MEI1: variants seen among roughly 807,000 people sequenced by gnomAD.
MEI1 encodes meiotic double-stranded break formation protein 1, also known as meiosis inhibitor protein 1.
In MEI1, 103 loss-of-function variants were observed where a neutral mutation model predicts 146.2. The ratio of observed to expected loss-of-function variants is 0.70; its 90% CI spans 0.60 to 0.83. MEI1 has a LOEUF of 0.83. Among genes scored for constraint, MEI1 ranks in the 40% least tolerant of loss-of-function variants. The pLI is 0.00. For missense variants in MEI1, 1,529 were observed against 1,533.0 expected (o/e 1.00, Z 0.04); for synonymous variants, 652 against 628.2 (o/e 1.04, Z -0.57).
At chr22:41,719,980 A>G (rs1452425296) in intron 6 of MEI1, among the ~76,000 whole-genome samples, 1 of 152,176 alleles carries the variant, frequency 6.6e-6, no homozygotes, top group Non-Finnish European at 1.5e-5. Context: ...CATAGTGAGC[A>G]TTCGTTCTAT....
At chr22:41,740,051 G>A (rs938800078) in intron 11 of MEI1, among the ~76,000 whole-genome samples, 4 of 151,770 alleles carry the variant, frequency 2.6e-5, no homozygotes, top group African/African-American at 4.8e-5. Flanking sequence ...GTGGAGTCTC[G>A]CTCTGTTGCT....
At chr22:41,791,598 T>A (rs1208846429) in intron 26 of MEI1, among the ~76,000 whole-genome samples, 1 of 152,184 alleles carries the variant, frequency 6.6e-6, no homozygotes, top group African/African-American at 2.4e-5. Context: ...AGATGACAGC[T>A]AGGCCATCCT....
Position 41,723,963 on chromosome 22 carries a change from A to G in MEI1, c.754A>G (p.Lys252Glu). Residue 252 changes from lysine (K) to glutamate (E), a missense_variant, in exon 7 of 31, where the codon AAG (lysine) becomes GAG (glutamate). Physicochemically the swap from Lys to Glu is moderately conservative, Grantham distance 56. This residue lies in a region of MEI1 where 1,212 missense variants were observed against 1,178.9 expected (regional missense o/e 1.03). Coordinates refer to ENST00000401548, the MANE Select transcript of MEI1 (RefSeq NM_152513.4). Reference sequence around the variant, plus strand: ...CCTAGGTTTGCTGAGGCAGCTGTTGAAGTATGATCTCTTTGTGTCCATGAT... The same window carrying G: ...CCTAGGTTTGCTGAGGCAGCTGTTGGAGTATGATCTCTTTGTGTCCATGAT... Reference protein sequence around the residue: ...NCLGLLRQLLKYDLFVSMIMN... With the variant: ...NCLGLLRQLLEYDLFVSMIMN... 1.2e-6 allele frequency: 2 copies of G among 1,606,838 alleles called. No homozygotes were observed. The highest frequency in any genetic ancestry group is 3.3e-4 in the Middle Eastern group (2 of 6,052).
chr22:41,713,877 G>A, intron 3 of MEI1, 125 bp from the exon 4 acceptor site: 1 of 739,670 alleles, frequency 1.4e-6, no homozygotes. Context: ...GGAAGAAATA[G>A]AAAAGTATAA....
intron 6 of MEI1, among the ~76,000 whole-genome samples, chr22:41,723,442 T>C (rs537543248): frequency 6.6e-6 from 1 of 152,330 alleles, no homozygotes; most frequent in East Asian, 1.9e-4. Context: ...CTTGAACTCC[T>C]GACCTCAAGT....
intron 3 of MEI1, chr22:41,709,308 C>T (rs1683769342): frequency 2.5e-6 from 2 of 804,256 alleles, no homozygotes; most frequent in South Asian, 1.3e-5. Flanking sequence ...TCCTTGCCAG[C>T]ATCCACTTTT....
At chr22:41,770,328 G>A (rs548995368) in intron 19 of MEI1, among the ~76,000 whole-genome samples, 1 of 151,890 alleles carries the variant, frequency 6.6e-6, no homozygotes, top group East Asian at 1.9e-4. Flanking sequence ...TCTTGACCTC[G>A]GCACTATTAA....
chr22:41,715,291 A>G (rs374635212), intron 4 of MEI1, among the ~76,000 whole-genome samples: 1 of 152,202 alleles, frequency 6.6e-6, no homozygotes. Context: ...AGTCAATAGA[A>G]AAGGTAAAAT....
chr22:41,782,617 C>T (rs2075805977), intron 24 of MEI1, among the ~76,000 whole-genome samples: 1 of 152,172 alleles, frequency 6.6e-6, no homozygotes, highest in Non-Finnish European at 1.5e-5. Context: ...GTGATGGGCA[C>T]ACAGAAGTGA....
At chr22:41,722,467 ATTTTTTTTTTT>A (rs749033326) in intron 6 of MEI1, among the ~76,000 whole-genome samples, 1 of 127,646 alleles carries the variant, frequency 7.8e-6, no homozygotes, top group Non-Finnish European at 1.6e-5. Context: ...CAGCATTTTA[ATTTTTTTTTTT>A]TTTTTTTTTT....
intron 19 of MEI1, chr22:41,767,676 T>C (rs2074945185): frequency 6.7e-6 from 3 of 448,808 alleles, no homozygotes; most frequent in East Asian, 7.0e-5. Flanking sequence ...ACTCAACCAA[T>C]GTGGATTGAC....
At chr22:41,700,623 G>C (rs1471394698) in intron 1 of MEI1, among the ~76,000 whole-genome samples, 2 of 152,068 alleles carry the variant, frequency 1.3e-5, no homozygotes, top group East Asian at 3.9e-4. Flanking sequence ...GAGCCACGGT[G>C]CCCGACCTGC....
chr22:41,777,793 G>C (rs2075535120), intron 21 of MEI1, among the ~76,000 whole-genome samples: 1 of 152,040 alleles, frequency 6.6e-6, no homozygotes, highest in African/African-American at 2.4e-5. Context: ...CTACTTCCTG[G>C]TTCATAAATG....
intron 6 of MEI1, among the ~76,000 whole-genome samples, chr22:41,718,976 A>ACTCTTTTTT (rs2070471045): frequency 7.8e-6 from 1 of 127,878 alleles, no homozygotes. Context: ...GGTTCAAGTG[A>ACTCTTTTTT]TTCTTTTTTT....
At chr22:41,772,688 A>G (rs532592483) in intron 20 of MEI1, among the ~76,000 whole-genome samples, 1 of 152,276 alleles carries the variant, frequency 6.6e-6, no homozygotes, top group Non-Finnish European at 1.5e-5. Flanking sequence ...AGAGTTGGAA[A>G]TCAAAATATT....
At chr22:41,761,910 C>G (rs2074518183) in intron 18 of MEI1, among the ~76,000 whole-genome samples, 1 of 152,212 alleles carries the variant, frequency 6.6e-6, no homozygotes, top group African/African-American at 2.4e-5. Context: ...TTCCACTTAG[C>G]ATATCATTTT....
intron 17 of MEI1, among the ~76,000 whole-genome samples, chr22:41,757,041 TCTCTTTTCTCCTGTCGCTGC>T (rs1256830982): frequency 1.3e-5 from 2 of 152,230 alleles, no homozygotes; most frequent in Non-Finnish European, 2.9e-5. Flanking sequence ...TGCTTCCTTT[TCTCTTTTCTCCTGTCGCTGC>T]CTCTTTTCTC....
chr22:41,792,483 T>TCCC (rs1275182241), intron 26 of MEI1, among the ~76,000 whole-genome samples: 1 of 152,008 alleles, frequency 6.6e-6, no homozygotes, highest in Non-Finnish European at 1.5e-5. Flanking sequence ...CAGCCTCTAT[T>TCCC]CCCCCAGGAA....
At chr22:41,707,211 A>G (rs748361494) in intron 3 of MEI1, among the ~76,000 whole-genome samples, 7 of 152,300 alleles carry the variant, frequency 4.6e-5, no homozygotes, top group Non-Finnish European at 1.0e-4. Context: ...TCAATTAAAA[A>G]AATAATGTTG....
Sources: allele counts gnomAD v4.1 joint callset (sites outside exome capture counted in the v4.1 genomes callset), GRCh38; gene constraint gnomAD v4.1.1; regional missense constraint gnomAD v4.1.1; transcripts MANE v1.5; gene names NCBI Gene and HGNC (gene_info 2026-07-23, HGNC 2026-07-21).